The following TDRD12 variants were observed in gnomAD, a reference collection of about 807,000 sequenced individuals.
TDRD12 encodes the protein putative ATP-dependent RNA helicase TDRD12.
A neutral mutation model predicts 133.5 loss-of-function variants in TDRD12; 158 were observed. The ratio of observed to expected loss-of-function variants is 1.18; its 90% CI spans 1.04 to 1.35. The LOEUF is 1.35. TDRD12 is among the 40% of genes most tolerant of loss of function. The pLI is 0.00. For missense variants in TDRD12, 1,443 were observed against 1,321.3 expected (o/e 1.09, Z -1.43); for synonymous variants, 460 against 477.9 (o/e 0.96, Z 0.49).
At chr19:32,749,385 G>A (rs1482993655) in intron 5 of TDRD12, among the ~76,000 whole-genome samples, 3 of 152,192 alleles carry the variant, frequency 2.0e-5, no homozygotes, top group African/African-American at 7.2e-5. Context: ...AGCGAAAGAA[G>A]GTTTCTAAAG....
exon 16 of TDRD12, chr19:32,798,410 T>G (rs995311511): frequency 7.6e-5 from 117 of 1,535,108 alleles, no homozygotes; most frequent in Non-Finnish European, 9.9e-5. Flanking sequence ...GAGGTAGAGG[T>G]GCTATTCTTG....
intron 1 of TDRD12, among the ~76,000 whole-genome samples, chr19:32,722,326 G>A (rs1261769405): frequency 6.6e-6 from 1 of 151,966 alleles, no homozygotes; most frequent in Non-Finnish European, 1.5e-5. Flanking sequence ...TCCTGTTCGC[G>A]AACCCCTTTC....
chr19:32,809,287 G>C (rs1966917385), intron 22 of TDRD12, among the ~76,000 whole-genome samples: 2 of 152,210 alleles, frequency 1.3e-5, no homozygotes, highest in South Asian at 2.1e-4. Flanking sequence ...TGTGGAGGCA[G>C]GTGAAGCCTT....
intron 2 of TDRD12, among the ~76,000 whole-genome samples, chr19:32,735,373 C>T (rs1197910491): frequency 6.6e-6 from 1 of 152,200 alleles, no homozygotes; most frequent in African/African-American, 2.4e-5. Context: ...TTCCCTTCAG[C>T]CAAAGCCTGA....
At chr19:32,799,234 G>T (rs935122976) in intron 16 of TDRD12, among the ~76,000 whole-genome samples, 1 of 152,158 alleles carries the variant, frequency 6.6e-6, no homozygotes, top group Non-Finnish European at 1.5e-5. Context: ...CTATGAGGCG[G>T]TGCAGGGTTC....
At chr19:32,738,873 T>C (rs1969304562) in exon 3 of TDRD12, 1 of 1,551,166 alleles carries the variant, frequency 6.4e-7, no homozygotes, top group African/African-American at 1.4e-5. Context: ...TGGTCTATTG[T>C]GAGGAGCTAA....
At chr19:32,821,273 T>C, downstream of TDRD12, 1 of 803,928 alleles carries the variant, frequency 1.2e-6, no homozygotes, top group Middle Eastern at 3.0e-4. Flanking sequence ...ACTGTTCTTA[T>C]TTTTGACAGG....
At chr19:32,738,299 C>T (rs1375011222) in intron 2 of TDRD12, among the ~76,000 whole-genome samples, 1 of 152,150 alleles carries the variant, frequency 6.6e-6, no homozygotes, top group Non-Finnish European at 1.5e-5. Context: ...AAATTGTCCT[C>T]AGTTAAGGAG....
rs1967130358 is a variant in TDRD12, at chr19:32,815,100, AGTT to A, written c.3142-346_3142-344del. ...ACGCTGAGCCTCAGGAGGTAAAAGT[AGTT>A]GAGAAGGAATGAGAAAGATGTACGA... On this transcript the variant is annotated intron_variant, in intron 25 of 27. Transcript: ENST00000444215. Among the ~76,000 whole-genome samples, 3 of 152,268 alleles carry A rather than the reference AGTT, an allele frequency of 2.0e-5. No individual in the cohort carries two copies. In the South Asian group the frequency reaches 6.2e-4, roughly 32 times the overall value.
intron 8 of TDRD12, among the ~76,000 whole-genome samples, chr19:32,766,654 A>T (rs1471704038): frequency 6.6e-6 from 1 of 151,428 alleles, no homozygotes; most frequent in Non-Finnish European, 1.5e-5. Context: ...TCGCTCTGTC[A>T]TTCAGGCTGG....
Position 32,730,724 on chromosome 19 carries a change from A to T in TDRD12, c.25-1001A>T, listed in dbSNP as rs528419901. On this transcript the variant is annotated intron_variant, in intron 1 of 27. Transcript: ENST00000444215. ...AGTTAGGTAATACTTTTGAAAAATC[A>T]TGAGTTCTTGGCTGGGCGCGGTGGC... 5.3e-5 allele frequency among the ~76,000 whole-genome samples: 8 copies of T among 152,198 alleles called. No individual in the cohort carries two copies. In the East Asian group the frequency reaches 7.7e-4, roughly 15 times the overall value.
At chr19:32,809,473 C>T (rs1455851012) in intron 22 of TDRD12, among the ~76,000 whole-genome samples, 1 of 152,228 alleles carries the variant, frequency 6.6e-6, no homozygotes, top group Admixed American at 6.5e-5. Context: ...CAAGTGCCTA[C>T]TTCTCACTCC....
At chr19:32,719,855 G>A in exon 1 of TDRD12, 2 of 603,704 alleles carry the variant, frequency 3.3e-6, no homozygotes, top group East Asian at 5.6e-5. Flanking sequence ...GTTACTGCCA[G>A]GACGGAGCGC....
chr19:32,747,802 A>C (rs1969697551), intron 4 of TDRD12, among the ~76,000 whole-genome samples: 3 of 152,126 alleles, frequency 2.0e-5, no homozygotes, highest in African/African-American at 7.2e-5. Context: ...TGAGCCCAGG[A>C]GTTTGAGACC....
At chr19:32,756,288 G>A (rs1969989861) in intron 7 of TDRD12, 107 bp downstream of exon 7, 1 of 965,568 alleles carries the variant, frequency 1.0e-6, no homozygotes, top group African/African-American at 1.7e-5. Context: ...ACAAAGACTT[G>A]GACTCTGTTT....
intron 6 of TDRD12, among the ~76,000 whole-genome samples, chr19:32,750,967 T>C (rs1048495549): frequency 3.3e-5 from 5 of 152,152 alleles, no homozygotes; most frequent in Admixed American, 6.5e-5. Flanking sequence ...AGCTTCTAAG[T>C]TTGGGGTACC....
At chr19:32,815,594 T>C in exon 26 of TDRD12, 1 of 1,536,098 alleles carries the variant, frequency 6.5e-7, no homozygotes, top group Admixed American at 2.0e-5. Flanking sequence ...AGATACCAGC[T>C]TGTGAAGAAA....
chr19:32,822,593 A>T (rs1269318731), downstream of TDRD12, among the ~76,000 whole-genome samples: 4 of 151,696 alleles, frequency 2.6e-5, no homozygotes, highest in African/African-American at 9.7e-5. Context: ...TAAAAATACA[A>T]AAAATTAGCC....
intron 1 of TDRD12, among the ~76,000 whole-genome samples, chr19:32,726,729 C>T (rs1413220540): frequency 6.6e-6 from 1 of 151,842 alleles, no homozygotes; most frequent in Non-Finnish European, 1.5e-5. Flanking sequence ...ATAGCAAGAC[C>T]CTGTCTCTTA....
Sources: allele counts gnomAD v4.1 joint callset (sites outside exome capture counted in the v4.1 genomes callset), GRCh38; gene constraint gnomAD v4.1.1; transcripts MANE v1.5; gene names NCBI Gene and HGNC (gene_info 2026-07-23, HGNC 2026-07-21).